The following STAC variants were observed in gnomAD, a reference collection of about 807,000 sequenced individuals.
STAC encodes SH3 and cysteine-rich domain-containing protein.
In STAC, 43 loss-of-function variants were observed where a neutral mutation model predicts 48.8. The ratio of observed to expected loss-of-function variants is 0.88; its 90% confidence interval spans 0.69 to 1.14. The LOEUF is 1.14. Among genes scored for constraint, STAC ranks in the 50% most tolerant of loss-of-function variants. The pLI is 0.00. For synonymous variants in STAC, 193 were observed against 179.5 expected, an observed-to-expected ratio of 1.07 and a Z score of -0.60; for missense variants, 497 against 504.0, an observed-to-expected ratio of 0.99 and a Z score of 0.13.
At chr3:36,510,867 T>G (rs888052588) in intron 8 of STAC, among the ~76,000 whole-genome samples, 2 of 151,992 alleles carry the variant, frequency 1.3e-5, no homozygotes, top group Non-Finnish European at 2.9e-5. Flanking sequence ...GATGACGGGT[T>G]GATGGATGCA....
chr3:36,500,572 G>T (rs1271421100), intron 6 of STAC, among the ~76,000 whole-genome samples: 1 of 151,948 alleles, frequency 6.6e-6, no homozygotes, highest in Non-Finnish European at 1.5e-5. Context: ...TAACAAACCT[G>T]CACATGTACC....
chr3:36,439,741 G>C (rs763032084), intron 1 of STAC, among the ~76,000 whole-genome samples: 1 of 152,090 alleles, frequency 6.6e-6, no homozygotes, highest in Non-Finnish European at 1.5e-5. Context: ...CTGCATCCAG[G>C]TCCTCACCTC....
At chr3:36,497,606 C>T (rs984438330) in intron 6 of STAC, among the ~76,000 whole-genome samples, 9 of 151,982 alleles carry the variant, frequency 5.9e-5, no homozygotes, top group Admixed American at 3.3e-4. Flanking sequence ...ATTAATACCC[C>T]AAAAGATACC....
At chr3:36,491,343 A>G (rs1325965804) in intron 5 of STAC, among the ~76,000 whole-genome samples, 1 of 152,236 alleles carries the variant, frequency 6.6e-6, no homozygotes, top group Non-Finnish European at 1.5e-5. Context: ...TCTAAAATAT[A>G]AAAGGCTTGA....
chr3:36,444,013 G>T (rs561224813), intron 2 of STAC, among the ~76,000 whole-genome samples: 1 of 152,226 alleles, frequency 6.6e-6, no homozygotes, highest in South Asian at 2.1e-4. Context: ...CCAAAAAAAA[G>T]CCGATGTCTG....
chr3:36,458,334 A>C (rs1426836462), intron 2 of STAC, among the ~76,000 whole-genome samples: 1 of 152,134 alleles, frequency 6.6e-6, no homozygotes, highest in Non-Finnish European at 1.5e-5. Context: ...GTAACTATTG[A>C]GAGATATCTA....
intron 1 of STAC, among the ~76,000 whole-genome samples, chr3:36,407,957 A>C (rs896320477): frequency 8.5e-5 from 13 of 152,186 alleles, no homozygotes; most frequent in Non-Finnish European, 1.9e-4. Context: ...ACTTCCTTGC[A>C]GCTGTATGTC....
intron 1 of STAC, among the ~76,000 whole-genome samples, chr3:36,388,255 G>A (rs533642142): frequency 2.0e-5 from 3 of 152,150 alleles, no homozygotes; most frequent in East Asian, 3.9e-4. Context: ...TTTATTCATC[G>A]AAAGGGTTAT....
chr3:36,501,939 A>G (rs958744408), intron 6 of STAC, among the ~76,000 whole-genome samples: 1 of 152,204 alleles, frequency 6.6e-6, no homozygotes, highest in African/African-American at 2.4e-5. Flanking sequence ...CCCATAAAGT[A>G]TTTTTAAAAG....
At chr3:36,422,136 A>G (rs993795662) in intron 1 of STAC, among the ~76,000 whole-genome samples, 1 of 136,990 alleles carries the variant, frequency 7.3e-6, no homozygotes, top group Non-Finnish European at 1.6e-5. Flanking sequence ...CTAAATGAAA[A>G]AAGAGTTTCC....
At chr3:36,483,677 G>A (rs1483504198) in intron 3 of STAC, among the ~76,000 whole-genome samples, 1 of 152,204 alleles carries the variant, frequency 6.6e-6, no homozygotes, top group Non-Finnish European at 1.5e-5. Context: ...TTCAAGCCAG[G>A]CACAATGGCT....
chr3:36,516,662 G>T (rs1035645401), intron 8 of STAC, among the ~76,000 whole-genome samples: 5 of 152,182 alleles, frequency 3.3e-5, no homozygotes, highest in Admixed American at 6.5e-5. Flanking sequence ...ACAGAAAAGA[G>T]AAATTTCTGG....
chr3:36,455,277 A>G (rs1696821611), intron 2 of STAC, among the ~76,000 whole-genome samples: 1 of 152,210 alleles, frequency 6.6e-6, no homozygotes, highest in Non-Finnish European at 1.5e-5. Context: ...GGTCAGAAGG[A>G]CAGGAGGAGA....
intron 1 of STAC, among the ~76,000 whole-genome samples, chr3:36,426,867 G>GACA (rs3061958): frequency 0.64 from 97,539 of 151,702 alleles, 32,438 homozygotes; most frequent in African/African-American, 0.83. Flanking sequence ...ATCACCTCTC[G>GACA]ACATTTTGTG....
At chr3:36,440,149 A>G (rs1393905064) in intron 1 of STAC, among the ~76,000 whole-genome samples, 1 of 152,100 alleles carries the variant, frequency 6.6e-6, no homozygotes, top group Non-Finnish European at 1.5e-5. Context: ...TCTTTTTTGT[A>G]TGGCTCCCTG....
intron 2 of STAC, among the ~76,000 whole-genome samples, chr3:36,478,628 G>A (rs1697556735): frequency 6.6e-6 from 1 of 152,086 alleles, no homozygotes; most frequent in South Asian, 2.1e-4. Flanking sequence ...CCGAGTAACT[G>A]GGACTACAGG....
chr3:36,398,595 A>AGGAAGGAAGGAAGGAAGGAG (rs1699930029), intron 1 of STAC, among the ~76,000 whole-genome samples: 1 of 87,868 alleles, frequency 1.1e-5, no homozygotes, highest in African/African-American at 6.0e-5. Flanking sequence ...GAAGGAAGGA[A>AGGAAGGAAGGAAGGAAGGAG]GGAAGAAAGG....
chr3:36,488,084 C>G (rs1369336917), intron 5 of STAC, among the ~76,000 whole-genome samples: 1 of 152,134 alleles, frequency 6.6e-6, no homozygotes, highest in Non-Finnish European at 1.5e-5. Flanking sequence ...TGTTACTGTT[C>G]TATATTTTAA....
chr3:36,468,763 T>TGG (rs1197977129), intron 2 of STAC, among the ~76,000 whole-genome samples: 1 of 149,554 alleles, frequency 6.7e-6, no homozygotes, highest in Non-Finnish European at 1.5e-5. Flanking sequence ...TGTGTGTGTG[T>TGG]GTGTGTGTGT....
Sources: gnomAD v4.1 joint callset for allele counts (sites outside exome capture counted in the v4.1 genomes callset) on GRCh38, gnomAD v4.1.1 for gene constraint, MANE v1.5 for transcripts, NCBI Gene and HGNC (gene_info 2026-07-23, HGNC 2026-07-21) for gene names.